The following SPOCK3 variants were observed in gnomAD, a reference collection of about 807,000 sequenced individuals.
SPOCK3 encodes testican-3.
In SPOCK3, 30 loss-of-function variants were observed where a neutral mutation model predicts 56.6. The ratio of observed to expected loss-of-function variants is 0.53; its 90% CI spans 0.40 to 0.72. SPOCK3 has a LOEUF of 0.72. SPOCK3 is among the 30% of genes least tolerant of loss of function. SPOCK3 has a pLI of 0.00. For synonymous variants in SPOCK3, 196 were observed against 183.3 expected (o/e 1.07, Z -0.56); for missense variants, 527 against 530.0 (o/e 0.99, Z 0.06).
chr4:166,772,862 C>T (rs1408666448), intron 7 of SPOCK3, among the ~76,000 whole-genome samples: 1 of 152,150 alleles, frequency 6.6e-6, no homozygotes, highest in Non-Finnish European at 1.5e-5. Flanking sequence ...GTAATCATGG[C>T]TCATTGCAGC....
At chr4:167,158,692 T>C (rs1318860486) in intron 2 of SPOCK3, among the ~76,000 whole-genome samples, 1 of 152,014 alleles carries the variant, frequency 6.6e-6, no homozygotes, top group Admixed American at 6.6e-5. Flanking sequence ...TCAAAGAAAC[T>C]CTATTTACTT....
chr4:166,974,818 T>C (rs115850850), intron 4 of SPOCK3, among the ~76,000 whole-genome samples: 1,934 of 152,316 alleles, frequency 0.013, 20 homozygotes, highest in Non-Finnish European at 0.019. Flanking sequence ...CAGTTAGAAA[T>C]CTTTGTGTTA....
chr4:167,009,702 C>A (rs1195731232), intron 3 of SPOCK3, among the ~76,000 whole-genome samples: 1 of 151,828 alleles, frequency 6.6e-6, no homozygotes, highest in Non-Finnish European at 1.5e-5. Flanking sequence ...CAAACCACAC[C>A]AGGAAACAAA....
At chr4:167,222,568 T>C (rs1304324270) in intron 2 of SPOCK3, among the ~76,000 whole-genome samples, 3 of 136,248 alleles carry the variant, frequency 2.2e-5, no homozygotes, top group Admixed American at 1.5e-4. Context: ...TATATACATG[T>C]TATAGATTCA....
chr4:166,969,733 C>T (rs1197947513), intron 4 of SPOCK3, among the ~76,000 whole-genome samples: 1 of 152,118 alleles, frequency 6.6e-6, no homozygotes, highest in Non-Finnish European at 1.5e-5. Context: ...ATTACCCAGT[C>T]TCAAGTAGTC....
chr4:166,986,446 G>C (rs541577681), intron 4 of SPOCK3, among the ~76,000 whole-genome samples: 9 of 152,254 alleles, frequency 5.9e-5, no homozygotes, highest in South Asian at 2.1e-4. Context: ...ATATCACACA[G>C]ATTGCCTTGT....
intron 3 of SPOCK3, among the ~76,000 whole-genome samples, chr4:167,003,189 T>G (rs1749124813): frequency 6.6e-6 from 1 of 152,098 alleles, no homozygotes; most frequent in Non-Finnish European, 1.5e-5. Context: ...TGATATACAG[T>G]GAAAATAGAA....
intron 2 of SPOCK3, among the ~76,000 whole-genome samples, chr4:167,069,202 G>A (rs1308102605): frequency 1.3e-5 from 2 of 151,772 alleles, no homozygotes; most frequent in African/African-American, 4.8e-5. Flanking sequence ...AATAATATGT[G>A]GCAGAATGGC....
intron 4 of SPOCK3, among the ~76,000 whole-genome samples, chr4:166,954,345 C>A (rs1159676122): frequency 2.6e-5 from 4 of 152,042 alleles, no homozygotes; most frequent in African/African-American, 7.2e-5. Flanking sequence ...GTTGCCCATG[C>A]TTTTGAGGTC....
chr4:167,126,277 G>A (rs1476767578), intron 2 of SPOCK3, among the ~76,000 whole-genome samples: 1 of 152,196 alleles, frequency 6.6e-6, no homozygotes, highest in Non-Finnish European at 1.5e-5. Flanking sequence ...GCCGGGCGCT[G>A]TGGCTCACAC....
chr4:166,992,020 A>G (rs1415758558), intron 4 of SPOCK3, among the ~76,000 whole-genome samples: 1 of 152,232 alleles, frequency 6.6e-6, no homozygotes, highest in Non-Finnish European at 1.5e-5. Context: ...ATTATGGGAT[A>G]GTCTTGTAAT....
intron 2 of SPOCK3, among the ~76,000 whole-genome samples, chr4:167,115,821 A>C (rs1040641564): frequency 6.6e-6 from 1 of 152,104 alleles, no homozygotes; most frequent in Admixed American, 6.6e-5. Context: ...GATTTTAAAC[A>C]TCTTTAAAGT....
At chr4:166,847,420 A>C (rs2126857106) in intron 6 of SPOCK3, among the ~76,000 whole-genome samples, 1 of 151,900 alleles carries the variant, frequency 6.6e-6, no homozygotes, top group African/African-American at 2.4e-5. Flanking sequence ...TAATATCATA[A>C]GGCACCTGAA....
rs1182568986 is a variant in SPOCK3 at position 166,880,959 on chromosome 4, C to A, written c.589+8171G>T. Among the ~76,000 whole-genome samples the A allele has an allele frequency of 2.0e-5, 3 of 152,126 alleles. No individual in the cohort carries two copies. In the East Asian group the frequency reaches 5.8e-4, roughly 29 times the overall value. ...GAAAATCTTTGTGGACTGGTATGTTCAATAATTTGCTAAATATATTACATC... is the reference window on the plus strand; with the variant it reads ...GAAAATCTTTGTGGACTGGTATGTTAAATAATTTGCTAAATATATTACATC... On this transcript the variant is annotated intron_variant, in intron 6 of 10. Coordinates refer to ENST00000357545, the MANE Select transcript of SPOCK3 (RefSeq NM_001040159.2).
At chr4:167,088,125 A>G (rs777297462) in intron 2 of SPOCK3, among the ~76,000 whole-genome samples, 9 of 152,194 alleles carry the variant, frequency 5.9e-5, no homozygotes, top group Non-Finnish European at 1.0e-4. Context: ...TATAACAAGT[A>G]CTATTCTAGA....
chr4:167,225,479 T>C (rs1327881495), intron 2 of SPOCK3, among the ~76,000 whole-genome samples: 2 of 152,124 alleles, frequency 1.3e-5, no homozygotes, highest in African/African-American at 4.8e-5. Flanking sequence ...GAAGACTTTT[T>C]ACCTACCCTT....
At chr4:167,049,522 C>T (rs1754010898) in intron 3 of SPOCK3, among the ~76,000 whole-genome samples, 2 of 152,006 alleles carry the variant, frequency 1.3e-5, no homozygotes, top group South Asian at 2.1e-4. Flanking sequence ...GACCATGAGT[C>T]AGTTTGAGGA....
intron 6 of SPOCK3, among the ~76,000 whole-genome samples, chr4:166,830,117 C>A (rs551527162): frequency 2.0e-5 from 3 of 152,238 alleles, no homozygotes; most frequent in African/African-American, 7.2e-5. Flanking sequence ...CTCTCAATCA[C>A]CACCCTTTCT....
intron 2 of SPOCK3, among the ~76,000 whole-genome samples, chr4:167,148,510 A>G (rs1010746252): frequency 1.3e-5 from 2 of 152,100 alleles, no homozygotes; most frequent in Non-Finnish European, 2.9e-5. Flanking sequence ...TTACTCTACT[A>G]CCACTTACCT....
Sources: allele counts gnomAD v4.1 joint callset (sites outside exome capture counted in the v4.1 genomes callset), GRCh38; gene constraint gnomAD v4.1.1; transcripts MANE v1.5; gene names NCBI Gene and HGNC (gene_info 2026-07-23, HGNC 2026-07-21).